EPRS1: variants seen among roughly 807,000 people sequenced by gnomAD.
EPRS1 encodes the protein bifunctional glutamate/proline--tRNA ligase.
EPRS1 carries 107 observed loss-of-function variants against 188.3 expected under a neutral mutation model. The observed-to-expected ratio is 0.57, with a 90% CI of 0.49 to 0.67. The LOEUF (loss-of-function observed/expected upper bound fraction) is 0.67, where lower values mean the gene tolerates loss of function less well. Among genes scored for constraint, EPRS1 ranks in the 30% least tolerant of loss-of-function variants. The probability of loss-of-function intolerance (pLI) is 0.00; values close to 1 mark genes in which losing one functional copy is unlikely to be tolerated. For synonymous variants in EPRS1, 596 were observed against 593.1 expected (o/e 1.00, Z -0.07); for missense variants, 1,577 against 1,802.2 (o/e 0.88, Z 2.26).
rs201861817 is a variant in EPRS1 at position 220,016,348 on chromosome 1, AG to A, written c.1494+2100del. Among the ~76,000 whole-genome samples the A allele has an allele frequency of 1.4e-3, 208 of 149,562 alleles. 1 individual carries two copies. Among genetic ancestry groups the A allele is most frequent in the African/African-American group, 3.1e-3 (126 of 40,800 alleles). ...AACAGGGTGAGATTCCGCTACAAAA[AG>A]AAAAAGAAAAAAGAAAAAAAGAGTA... On this transcript the variant is annotated intron_variant, in intron 12 of 31. Transcript: ENST00000366923.
At chr1:219,982,394 T>G (rs1326914707) in intron 23 of EPRS1, 1 of 156,602 alleles carries the variant, frequency 6.4e-6, no homozygotes, top group African/African-American at 2.4e-5. Context: ...ACACCCTACA[T>G]GAATGCAAAC....
At chr1:220,015,743 C>T (rs1233532892) in intron 12 of EPRS1, among the ~76,000 whole-genome samples, 2 of 151,182 alleles carry the variant, frequency 1.3e-5, no homozygotes, top group African/African-American at 2.4e-5. Flanking sequence ...GGGAGCTGGA[C>T]TGAGTCTCCA....
intron 17 of EPRS1, among the ~76,000 whole-genome samples, chr1:220,000,344 G>A (rs946905549): frequency 1.3e-5 from 2 of 152,026 alleles, no homozygotes; most frequent in Non-Finnish European, 2.9e-5. Context: ...GACCCCAAGG[G>A]GTATATAAAA....
intron 5 of EPRS1, among the ~76,000 whole-genome samples, chr1:220,032,143 C>T (rs1384437892): frequency 6.6e-6 from 1 of 151,646 alleles, no homozygotes; most frequent in Non-Finnish European, 1.5e-5. Context: ...GGCGCGATCT[C>T]GGCTCACTGC....
chr1:220,020,367 CAA>C, intron 9 of EPRS1, 146 bp from the exon 10 acceptor site: 1 of 582,964 alleles, frequency 1.7e-6, no homozygotes, highest in South Asian at 2.4e-5. Flanking sequence ...ACTTAATACT[CAA>C]AGTGTATCAA....
At chr1:219,978,969 T>A (rs1281544167) in intron 27 of EPRS1, among the ~76,000 whole-genome samples, 3 of 55,646 alleles carry the variant, frequency 5.4e-5, no homozygotes, top group South Asian at 7.8e-4. Flanking sequence ...TATATATTTT[T>A]TTTTCCCCCC....
At chr1:220,036,778 A>C (rs748655271) in intron 2 of EPRS1, among the ~76,000 whole-genome samples, 3 of 152,170 alleles carry the variant, frequency 2.0e-5, no homozygotes, top group Admixed American at 6.5e-5. Context: ...ACCCCATGAC[A>C]CAAGTTTATC....
chr1:220,040,244 C>G lies in EPRS1; in HGVS notation c.72G>C (p.Val24=). 6 of 1,608,774 alleles carry G rather than the reference C, an allele frequency of 3.7e-6. No individual in the cohort carries two copies. Among genetic ancestry groups the G allele is most frequent in the Non-Finnish European group, 5.1e-6 (6 of 1,175,900 alleles). ...PLGALLAVEH[V]KDDVSISVEE... ...CAACGGAAATGCTGACATCGTCTTT[C>G]ACGTGTTCTACTGCCAGCAAAGCTC... Residue 24 remains valine, a synonymous_variant, in exon 2 of 32, where the codon GTG becomes GTC. Coordinates refer to ENST00000366923, the MANE Select transcript of EPRS1 (RefSeq NM_004446.3).
At chr1:220,044,816 G>A (rs1199713658) in intron 1 of EPRS1, among the ~76,000 whole-genome samples, 1 of 151,468 alleles carries the variant, frequency 6.6e-6, no homozygotes, top group East Asian at 1.9e-4. Context: ...TATGGGAGAA[G>A]CTAAATAAGG....
chr1:220,034,922 G>A lies in EPRS1; in HGVS notation c.223C>T (p.His75Tyr), dbSNP rs752300576. Residue 75 changes from histidine to tyrosine, a missense_variant, in exon 3 of 32, where the codon CAT becomes TAT. Around this residue, in one of 3 missense-constraint regions of EPRS1, gnomAD observed 1,278 missense variants for 1,457.4 expected, o/e 0.88. Transcript: ENST00000366923. The stretch of plus-strand genomic sequence containing the variant: ...AAATGTTCATTGCTTACCTCAGTAT[G>A]TTCCATCAGATTAGAGCCATATAAC... ...AGLYGSNLME[H>Y]TEIDHWLEFS... 1.1e-5 allele frequency: 17 copies of A among 1,575,116 alleles called. 1 individual carries two copies. In the South Asian group the frequency reaches 1.8e-4, roughly 16 times the overall value.
In EPRS1 at chr1:219,983,168, TA is replaced by T. The variant is rs1336436466; in HGVS notation, c.3300+20del. 1 of 1,576,808 alleles carries T rather than the reference TA, an allele frequency of 6.3e-7. No individual in the cohort carries two copies. Among genetic ancestry groups the T allele is most frequent in the Admixed American group, 1.9e-5 (1 of 52,930 alleles). The stretch of plus-strand genomic sequence containing the variant: ...GTTTGTCAGAGAACATTGCAAAAAA[TA>T]AAAAAGCAAGCTCACTTACCTCTGG... On this transcript the variant is annotated intron_variant, in intron 22 of 31. Transcript: ENST00000366923.
chr1:220,017,321 C>T (rs12048112), intron 12 of EPRS1, among the ~76,000 whole-genome samples: 17,616 of 152,206 alleles, frequency 0.12, 1,552 homozygotes, highest in East Asian at 0.33. Flanking sequence ...TGTTGTTCAT[C>T]TTAACAGACC....
At chr1:219,977,555 T>G (rs944729373) in intron 28 of EPRS1, among the ~76,000 whole-genome samples, 19 of 152,160 alleles carry the variant, frequency 1.2e-4, no homozygotes, top group African/African-American at 4.6e-4. Flanking sequence ...GAAATTAGTT[T>G]AGAGAAACTG....
rs146480904 is a variant in EPRS1 at position 220,022,429 on chromosome 1, T to C, written c.1033A>G (p.Ser345Gly). ...TCTCTCATGCATCCATTGTTACTAC[T>C]CATGTCAATTTTTGCTCGCAAACAA... ...SCCLRAKIDM[S>G]SNNGCMRDPT... Residue 345 changes from serine (S) to glycine (G), a missense_variant, in exon 9 of 32, where the codon AGT (serine) becomes GGT (glycine). This residue lies in a region of EPRS1 where 1,278 missense variants were observed against 1,457.4 expected (regional missense o/e 0.88). Transcript: ENST00000366923. The C allele has an allele frequency of 1.9e-6, 3 of 1,614,054 alleles. No homozygotes were observed. The highest frequency in any genetic ancestry group is 1.7e-5 in the Admixed American group (1 of 60,006).
At chr1:220,000,708 C>T (rs1390752973) in intron 17 of EPRS1, among the ~76,000 whole-genome samples, 2 of 152,236 alleles carry the variant, frequency 1.3e-5, no homozygotes, top group South Asian at 2.1e-4. Context: ...TGGCCAGGCA[C>T]GGTGACTCAT....
chr1:220,042,958 A>C (rs1468062592), intron 1 of EPRS1, among the ~76,000 whole-genome samples: 2 of 152,140 alleles, frequency 1.3e-5, no homozygotes, highest in Non-Finnish European at 2.9e-5. Context: ...AACAACAACA[A>C]AAGTAAACTA....
At position 219,983,319 on chromosome 1, in the gene EPRS1, CAAAT is replaced by C. The variant is rs1660935285; in HGVS notation, c.3166_3169del (p.Ile1056GlyfsTer31). 2.5e-6 allele frequency: 4 copies of C among 1,614,012 alleles called. No homozygotes were observed. Among genetic ancestry groups the C allele is most frequent in the Non-Finnish European group, 2.5e-6 (3 of 1,179,890 alleles). On this transcript the variant is annotated frameshift_variant, in exon 22 of 32. Transcript: ENST00000366923. LOFTEE classifies it high-confidence loss of function. ...ATCAAAAAAGTCCTTGATGGCTTCCCAAATGGCATAGGCCCAGGGACGAAGAATA... is the reference window on the plus strand; with the variant it reads ...ATCAAAAAAGTCCTTGATGGCTTCCCGGCATAGGCCCAGGGACGAAGAATA...
chr1:220,044,331 T>G (rs2102603064), intron 1 of EPRS1, among the ~76,000 whole-genome samples: 1 of 152,212 alleles, frequency 6.6e-6, no homozygotes, highest in East Asian at 1.9e-4. Context: ...GGCATACAGT[T>G]CAAAATGACA....
At position 219,968,683 on chromosome 1, in the gene EPRS1, G is replaced by A; in HGVS notation, c.*123C>T. 1.1e-6 allele frequency: 1 copy of A among 920,504 alleles called. No individual in the cohort carries two copies. The highest frequency in any genetic ancestry group is 1.7e-6 in the Non-Finnish European group (1 of 604,596). 57.0% of individuals were successfully genotyped at this position (920,504 alleles called of 1,614,324 possible). On this transcript the variant is annotated 3_prime_UTR_variant, in exon 32 of 32. Coordinates refer to ENST00000366923, the MANE Select transcript of EPRS1 (RefSeq NM_004446.3). ...ACTTAGGCATAAGAATAATTGTCCT[G>A]TGTGACTTCATTTTAGAACTTTTAC...
Sources: gnomAD v4.1 joint callset for allele counts (sites outside exome capture counted in the v4.1 genomes callset) on GRCh38, gnomAD v4.1.1 for gene constraint, gnomAD v4.1.1 regional missense constraint, MANE v1.5 for transcripts, NCBI Gene and HGNC (gene_info 2026-07-23, HGNC 2026-07-21) for gene names.